Variants in CCDC7 observed in about 807,000 individuals in gnomAD.
The protein encoded by CCDC7 is coiled-coil domain containing 7, also known as coiled-coil domain-containing protein 7.
A neutral mutation model predicts 196.9 loss-of-function variants in CCDC7; 183 were observed. The observed-to-expected ratio is 0.93, with a 90% CI of 0.82 to 1.05. The LOEUF (loss-of-function observed/expected upper bound fraction) is 1.05, where lower values mean the gene tolerates loss of function less well. Among genes scored for constraint, CCDC7 ranks in the 50% least tolerant of loss-of-function variants. The pLI, the probability that CCDC7 is intolerant of heterozygous loss-of-function variation, is 0.00. For missense variants in CCDC7, 1,540 were observed against 1,482.2 expected (o/e 1.04, Z -0.64); for synonymous variants, 525 against 484.6 (o/e 1.08, Z -1.10).
At chr10:32,714,303 G>C (rs1019871790) in intron 25 of CCDC7, among the ~76,000 whole-genome samples, 1 of 152,312 alleles carries the variant, frequency 6.6e-6, no homozygotes, top group Non-Finnish European at 1.5e-5. Context: ...AAGGGGTCAG[G>C]GAACTCCTTC....
chr10:32,867,905 A>G (rs2094264096), intron 41 of CCDC7, among the ~76,000 whole-genome samples: 1 of 151,860 alleles, frequency 6.6e-6, no homozygotes, highest in Admixed American at 6.6e-5. Flanking sequence ...AACTCTCCCC[A>G]TTAAACATTA....
intron 32 of CCDC7, among the ~76,000 whole-genome samples, chr10:32,825,983 C>T (rs1243611586): frequency 1.3e-5 from 2 of 152,128 alleles, no homozygotes; most frequent in Non-Finnish European, 2.9e-5. Context: ...CTTCCCCATC[C>T]CCAGTAGTGA....
intron 21 of CCDC7, 22 bp from the exon 23 acceptor site, chr10:32,685,948 T>G: frequency 1.7e-6 from 2 of 1,185,684 alleles, no homozygotes; most frequent in Non-Finnish European, 2.4e-6. Context: ...TTTAGTGGAA[T>G]AAATGTATTT....
intron 9 of CCDC7, among the ~76,000 whole-genome samples, chr10:32,492,736 A>G (rs2042338902): frequency 6.6e-6 from 1 of 152,150 alleles, no homozygotes; most frequent in Non-Finnish European, 1.5e-5. Flanking sequence ...TCAGTTTTAC[A>G]TGAGGAGAAG....
At chr10:32,561,162 A>G (rs1393010805) in intron 13 of CCDC7, among the ~76,000 whole-genome samples, 1 of 152,220 alleles carries the variant, frequency 6.6e-6, no homozygotes, top group East Asian at 1.9e-4. Context: ...CCAGTTTCAT[A>G]AAGCAAGGCC....
chr10:32,679,015 T>C (rs1212426222), intron 21 of CCDC7, among the ~76,000 whole-genome samples: 1 of 152,174 alleles, frequency 6.6e-6, no homozygotes, highest in African/African-American at 2.4e-5. Context: ...GTTCAACTTA[T>C]CAGAAATTTT....
intron 41 of CCDC7, among the ~76,000 whole-genome samples, chr10:32,865,044 C>T (rs971042867): frequency 4.6e-5 from 7 of 151,696 alleles, no homozygotes; most frequent in Admixed American, 2.0e-4. Flanking sequence ...AATAAGTTTG[C>T]GACCTTACTG....
chr10:32,642,715 G>A (rs898881457), intron 20 of CCDC7, among the ~76,000 whole-genome samples: 2 of 152,192 alleles, frequency 1.3e-5, no homozygotes, highest in Non-Finnish European at 2.9e-5. Flanking sequence ...TACCTCGGTT[G>A]GAAATGCAGA....
intron 28 of CCDC7, among the ~76,000 whole-genome samples, chr10:32,748,380 AC>A (rs1310155450): frequency 1.1e-4 from 16 of 152,188 alleles, no homozygotes; most frequent in African/African-American, 3.6e-4. Flanking sequence ...AAAACATGTA[AC>A]TTTTGTACAT....
In CCDC7 at chr10:32,675,026, G is replaced by C. The variant is rs7907776; in HGVS notation, c.2122+10865G>C. Among the ~76,000 whole-genome samples, 983 of 152,050 alleles carry C rather than the reference G, an allele frequency of 6.5e-3. 12 individuals carry two copies. Among genetic ancestry groups the C allele is most frequent in the African/African-American group, 0.023 (947 of 41,506 alleles). Reference sequence around the variant, plus strand: ...AAGTCTCTTGCAAATAGCATATAGTGGATCTTGCTTTTCTCATCCTTTCAG... The same window carrying C: ...AAGTCTCTTGCAAATAGCATATAGTCGATCTTGCTTTTCTCATCCTTTCAG... On this transcript the variant is annotated intron_variant, in intron 21 of 41. Transcript: ENST00000639629.
intron 6 of CCDC7, among the ~76,000 whole-genome samples, chr10:32,471,765 T>G (rs1344344640): frequency 6.6e-6 from 1 of 152,134 alleles, no homozygotes; most frequent in Non-Finnish European, 1.5e-5. Context: ...ATACCCATAG[T>G]TGGGAGGGGC....
chr10:32,451,486 A>T, upstream of CCDC7: 2 of 1,056,552 alleles, frequency 1.9e-6, no homozygotes, highest in Non-Finnish European at 2.6e-6. Context: ...GAAGTTGCTT[A>T]ATGTACTCTG....
At chr10:32,872,919 G>T (rs574304340) in intron 41 of CCDC7, among the ~76,000 whole-genome samples, 1 of 152,284 alleles carries the variant, frequency 6.6e-6, no homozygotes, top group African/African-American at 2.4e-5. Context: ...CTGTTAGTCT[G>T]ATGGGCTTCC....
intron 20 of CCDC7, among the ~76,000 whole-genome samples, chr10:32,662,458 A>G (rs2071683724): frequency 6.6e-6 from 1 of 152,116 alleles, no homozygotes; most frequent in Admixed American, 6.6e-5. Flanking sequence ...GGTATCCAGG[A>G]TAGCGCTTTT....
intron 26 of CCDC7, among the ~76,000 whole-genome samples, chr10:32,727,116 T>G (rs2083241850): frequency 6.6e-6 from 1 of 152,120 alleles, no homozygotes; most frequent in East Asian, 1.9e-4. Context: ...TTCAGCTGAC[T>G]CTGGGAGATT....
chr10:32,842,051 A>C (rs2093009648), intron 33 of CCDC7, among the ~76,000 whole-genome samples: 1 of 152,142 alleles, frequency 6.6e-6, no homozygotes, highest in South Asian at 2.1e-4. Context: ...CAAAGACTTC[A>C]TGACAAAGAA....
At position 32,524,774 on chromosome 10, in the gene CCDC7, T is replaced by C. The variant is rs150721519; in HGVS notation, c.993+6269T>C. ...CATATTTGAGGTCTATTGTATGTTA[T>C]TTGTTTCTTTTCTCTTGCTGCTTTT... On this transcript the variant is annotated intron_variant, in intron 11 of 41. Transcript: ENST00000639629. Among the ~76,000 whole-genome samples, 556 of 152,326 alleles carry C rather than the reference T, an allele frequency of 3.7e-3. 5 individuals are homozygous for C. The highest frequency in any genetic ancestry group is 0.013 in the African/African-American group (527 of 41,568).
chr10:32,702,801 G>A (rs1399828270), intron 24 of CCDC7, among the ~76,000 whole-genome samples: 1 of 152,092 alleles, frequency 6.6e-6, no homozygotes, highest in East Asian at 1.9e-4. Context: ...ATCTTCATTG[G>A]TTTAAAATCT....
At chr10:32,449,522 C>G (rs2032425186), upstream of CCDC7, among the ~76,000 whole-genome samples, 1 of 151,716 alleles carries the variant, frequency 6.6e-6, no homozygotes, top group South Asian at 2.1e-4. Context: ...TTTCCGTTGT[C>G]AAGTTGTTTT....
Sources: gnomAD v4.1 joint callset for allele counts (sites outside exome capture counted in the v4.1 genomes callset) on GRCh38, gnomAD v4.1.1 for gene constraint, MANE v1.5 for transcripts, NCBI Gene and HGNC (gene_info 2026-07-23, HGNC 2026-07-21) for gene names.